PPP1R42: variants seen among roughly 807,000 people sequenced by gnomAD.
PPP1R42 encodes leucine rich repeat containing 67.
A neutral mutation model predicts 31.0 loss-of-function variants in PPP1R42; 34 were observed. The observed-to-expected ratio is 1.10, with a 90% confidence interval of 0.83 to 1.46. PPP1R42 has a LOEUF of 1.46. Among genes scored for constraint, PPP1R42 ranks in the 40% most tolerant of loss-of-function variants. The pLI is 0.00. For missense variants in PPP1R42, 268 were observed against 303.0 expected, an observed-to-expected ratio of 0.88 and a Z score of 0.86; for synonymous variants, 103 against 109.8, an observed-to-expected ratio of 0.94 and a Z score of 0.39.
At chr8:67,014,693 AAGGTT>A (rs1306434232) in intron 2 of PPP1R42, 101 bp from the exon 3 acceptor site, 13 of 742,064 alleles carry the variant, frequency 1.8e-5, no homozygotes, top group Non-Finnish European at 2.8e-5. Flanking sequence ...AAATTTCTCT[AAGGTT>A]AATATAAAAG....
intron 5 of PPP1R42, among the ~76,000 whole-genome samples, chr8:66,994,087 A>G (rs917460805): frequency 2.0e-5 from 3 of 152,104 alleles, no homozygotes; most frequent in African/African-American, 7.2e-5. Flanking sequence ...GTTTTGGATT[A>G]AGGAATAGCA....
At chr8:66,979,534 A>T (rs1814769548) in intron 7 of PPP1R42, among the ~76,000 whole-genome samples, 1 of 152,132 alleles carries the variant, frequency 6.6e-6, no homozygotes, top group Admixed American at 6.6e-5. Context: ...AGTTGGCTGT[A>T]GCTAAGTGGA....
At chr8:67,026,668 C>T (rs1032754995) in intron 1 of PPP1R42, among the ~76,000 whole-genome samples, 1 of 151,178 alleles carries the variant, frequency 6.6e-6, no homozygotes, top group Non-Finnish European at 1.5e-5. Context: ...AGACCCCTGT[C>T]TCTACAAAAA....
chr8:67,004,768 C>T (rs1370604035), intron 5 of PPP1R42, among the ~76,000 whole-genome samples: 3 of 152,080 alleles, frequency 2.0e-5, no homozygotes, highest in Non-Finnish European at 4.4e-5. Flanking sequence ...ATTTTAGAGG[C>T]TCTTTTCAGA....
intron 6 of PPP1R42, 79 bp from the exon 7 acceptor site, chr8:66,982,259 G>T: frequency 6.1e-6 from 4 of 656,960 alleles, no homozygotes; most frequent in African/African-American, 1.9e-5. Flanking sequence ...CTGGTTCAGA[G>T]CACAGAAACT....
At chr8:67,018,808 G>GC (rs1258747945) in intron 1 of PPP1R42, among the ~76,000 whole-genome samples, 5 of 5,526 alleles carry the variant, frequency 9.0e-4, no homozygotes, top group Non-Finnish European at 2.0e-3. Context: ...ACCGTGCCTG[G>GC]CCCCCGCCCC....
chr8:67,017,879 G>C, intron 1 of PPP1R42, 48 bp from the exon 2 acceptor site: 1 of 956,316 alleles, frequency 1.0e-6, no homozygotes, highest in East Asian at 3.1e-5. Flanking sequence ...AGCAATTTAA[G>C]GAAAAGTTAT....
chr8:66,982,183 G>T lies in PPP1R42; in HGVS notation c.671-3C>A. 1 of 1,355,364 alleles carries T rather than the reference G, an allele frequency of 7.4e-7. No individual in the cohort carries two copies. Among genetic ancestry groups the T allele is most frequent in the South Asian group, 1.6e-5 (1 of 60,770 alleles). 84.0% of individuals were successfully genotyped at this position (1,355,364 alleles called of 1,614,324 possible). A position where few individuals can be genotyped will look rare whatever the true frequency, so the allele number is the denominator to read the frequency against. On this transcript the variant is annotated splice_polypyrimidine_tract_variant and splice_region_variant and intron_variant, in intron 6 of 7. Transcript: ENST00000685739. ...AATTTCTTTTCCATCAAGAAATTCT[G>T]GAGAAAAATACATACATTTAAAAAA...
At chr8:67,015,239 G>A (rs955207621) in intron 2 of PPP1R42, among the ~76,000 whole-genome samples, 3 of 151,890 alleles carry the variant, frequency 2.0e-5, no homozygotes, top group Non-Finnish European at 4.4e-5. Context: ...GGCTGGTCTC[G>A]AACTCCTGAC....
intron 2 of PPP1R42, among the ~76,000 whole-genome samples, chr8:67,017,246 G>T (rs1046172901): frequency 6.6e-6 from 1 of 152,148 alleles, no homozygotes; most frequent in African/African-American, 2.4e-5. Flanking sequence ...GGCCAAGGCA[G>T]GCGGATCACT....
intron 2 of PPP1R42, among the ~76,000 whole-genome samples, chr8:67,015,938 A>T (rs995676244): frequency 1.3e-5 from 2 of 152,218 alleles, no homozygotes; most frequent in Admixed American, 6.5e-5. Context: ...GAATTACTTT[A>T]ACCAATTTGC....
chr8:66,993,410 A>G (rs1315038569), intron 5 of PPP1R42, among the ~76,000 whole-genome samples: 1 of 152,230 alleles, frequency 6.6e-6, no homozygotes, highest in Non-Finnish European at 1.5e-5. Flanking sequence ...TTTCATGCCT[A>G]TGTGGCCCAT....
chr8:66,992,265 A>T (rs576049093), intron 5 of PPP1R42, among the ~76,000 whole-genome samples: 1 of 152,186 alleles, frequency 6.6e-6, no homozygotes, highest in Non-Finnish European at 1.5e-5. Flanking sequence ...GGAAATCTCT[A>T]TTAAAGTTTC....
At chr8:66,997,441 A>G (rs1434423770) in intron 5 of PPP1R42, among the ~76,000 whole-genome samples, 10 of 151,742 alleles carry the variant, frequency 6.6e-5, no homozygotes, top group Middle Eastern at 3.4e-3. Context: ...CTGGGACCAC[A>G]GGCATGTTCC....
intron 1 of PPP1R42, among the ~76,000 whole-genome samples, chr8:67,019,114 G>A (rs1219170666): frequency 6.0e-5 from 9 of 151,190 alleles, no homozygotes; most frequent in African/African-American, 2.2e-4. Context: ...AGGATTACAG[G>A]CATGAGCCAC....
At chr8:66,971,215 T>C in intron 7 of PPP1R42, 1 of 1,052,282 alleles carries the variant, frequency 9.5e-7, no homozygotes, top group Non-Finnish European at 1.3e-6. Flanking sequence ...TATAACAATA[T>C]TAGATTATCT....
chr8:66,967,696 A>G (rs1024767054), intron 7 of PPP1R42, among the ~76,000 whole-genome samples: 2 of 152,234 alleles, frequency 1.3e-5, no homozygotes, highest in Non-Finnish European at 2.9e-5. Flanking sequence ...TAAATAATAT[A>G]CAGTGAATAT....
chr8:67,019,431 G>A (rs1040070075), intron 1 of PPP1R42, among the ~76,000 whole-genome samples: 1 of 147,352 alleles, frequency 6.8e-6, no homozygotes, highest in Non-Finnish European at 1.5e-5. Flanking sequence ...AGTAGACACG[G>A]GTTTCACCAT....
At chr8:66,993,536 A>G (rs953404670) in intron 5 of PPP1R42, among the ~76,000 whole-genome samples, 1 of 152,098 alleles carries the variant, frequency 6.6e-6, no homozygotes, top group African/African-American at 2.4e-5. Context: ...TATTTGCCTG[A>G]TAAGTGTTTC....
Sources: allele counts gnomAD v4.1 joint callset (sites outside exome capture counted in the v4.1 genomes callset), GRCh38; gene constraint gnomAD v4.1.1; transcripts MANE v1.5; gene names NCBI Gene and HGNC (gene_info 2026-07-23, HGNC 2026-07-21).